GLYATL2: variants seen among roughly 807,000 people sequenced by gnomAD.
GLYATL2 encodes the protein glycine N-acyltransferase-like protein 2.
In GLYATL2, 25 loss-of-function variants were observed where a neutral mutation model predicts 21.4. That is an observed-to-expected ratio of 1.17 (90% CI 0.85 to 1.63). The LOEUF (loss-of-function observed/expected upper bound fraction) is 1.63, where lower values mean the gene tolerates loss of function less well. Ranked by LOEUF, GLYATL2 falls within the 40% of genes most tolerant of loss-of-function variation. The probability of loss-of-function intolerance (pLI) is 0.00; values close to 1 mark genes in which losing one functional copy is unlikely to be tolerated. For missense variants in GLYATL2, 361 were observed against 343.3 expected (o/e 1.05, Z -0.41); for synonymous variants, 114 against 118.2 (o/e 0.96, Z 0.23).
At chr11:58,840,160 C>T (rs1853519842) in intron 1 of GLYATL2, among the ~76,000 whole-genome samples, 2 of 151,736 alleles carry the variant, frequency 1.3e-5, no homozygotes, top group Admixed American at 1.3e-4. Flanking sequence ...TCCTAAGGAA[C>T]AAAACCATAG....
At chr11:58,886,149 C>T (rs145168372) in intron 1 of GLYATL2, among the ~76,000 whole-genome samples, 1 of 152,020 alleles carries the variant, frequency 6.6e-6, no homozygotes, top group Non-Finnish European at 1.5e-5. Context: ...CCCAGGAGGT[C>T]GAGGTTGCAT....
chr11:58,845,900 T>A (rs1470571872), upstream of GLYATL2, among the ~76,000 whole-genome samples: 2 of 152,158 alleles, frequency 1.3e-5, no homozygotes, highest in Admixed American at 6.6e-5. Context: ...ATAAAAATTA[T>A]CAGTGATAAT....
intron 1 of GLYATL2, among the ~76,000 whole-genome samples, chr11:58,874,752 G>T (rs1367149950): frequency 6.6e-6 from 1 of 152,196 alleles, no homozygotes; most frequent in Non-Finnish European, 1.5e-5. Flanking sequence ...GTGCTGAAAA[G>T]AATGTATATT....
At chr11:58,876,579 C>T (rs1274396810) in intron 1 of GLYATL2, among the ~76,000 whole-genome samples, 1 of 152,182 alleles carries the variant, frequency 6.6e-6, no homozygotes, top group African/African-American at 2.4e-5. Flanking sequence ...GCCTAGGTAT[C>T]AGCAGTGGTG....
chr11:58,874,096 A>C (rs1854178621), intron 1 of GLYATL2, among the ~76,000 whole-genome samples: 1 of 152,124 alleles, frequency 6.6e-6, no homozygotes, highest in African/African-American at 2.4e-5. Flanking sequence ...AGTATTCTTG[A>C]TGGTAGTTTG....
intron 1 of GLYATL2, among the ~76,000 whole-genome samples, chr11:58,870,265 G>A (rs1289617877): frequency 1.3e-5 from 2 of 152,076 alleles, no homozygotes; most frequent in Non-Finnish European, 2.9e-5. Flanking sequence ...TTTTCTATAG[G>A]TCTAATGATA....
In GLYATL2 at chr11:58,877,567, C is replaced by T. The variant is rs147259815; in HGVS notation, n.60+26589G>A. Reference sequence around the variant, plus strand: ...AAAGAAGGGTCCACAGAGGAGACTGCGAAGAAGTAACAAGTGAAGTTAAAG... The same window carrying T: ...AAAGAAGGGTCCACAGAGGAGACTGTGAAGAAGTAACAAGTGAAGTTAAAG... On this transcript the variant is annotated intron_variant and non_coding_transcript_variant, in intron 1 of 4. Transcript: ENST00000533636. Among the ~76,000 whole-genome samples the T allele has an allele frequency of 3.8e-4, 58 of 152,118 alleles. 1 individual carries two copies. The East Asian group carries it at 0.011, about 29-fold the overall frequency.
chr11:58,865,946 A>C lies in GLYATL2; in HGVS notation n.61-27578T>G, dbSNP rs4094385. Among the ~76,000 whole-genome samples the C allele has an allele frequency of 5.2e-3, 783 of 149,154 alleles. 16 individuals are homozygous for C. The highest frequency in any genetic ancestry group is 0.018 in the African/African-American group (751 of 41,384). ...TCTGATTTTCTCTTCTTTAGACTCT[A>C]AGAGCACTAGAACACATCAGAGAGC... is the stretch of plus-strand genomic sequence containing the variant. On this transcript the variant is annotated intron_variant and non_coding_transcript_variant, in intron 1 of 4. Coordinates refer to the GLYATL2 transcript ENST00000533636.
chr11:58,853,382 C>T (rs1026787594), intron 1 of GLYATL2, among the ~76,000 whole-genome samples: 1 of 152,100 alleles, frequency 6.6e-6, no homozygotes, highest in Admixed American at 6.5e-5. Flanking sequence ...GGATTCAAAA[C>T]CTGTGTACAC....
At chr11:58,909,227 T>C in the GLYATL2 span, among the ~76,000 whole-genome samples, 2 of 152,172 alleles carry the variant, frequency 1.3e-5, no homozygotes, top group African/African-American at 2.4e-5. Context: ...GAAGTGGTTG[T>C]CAGGGGCTGG....
chr11:58,860,263 A>T (rs1853907959), intron 1 of GLYATL2, among the ~76,000 whole-genome samples: 1 of 152,018 alleles, frequency 6.6e-6, no homozygotes, highest in South Asian at 2.1e-4. Context: ...ATATTTTTCT[A>T]TTTATTTGTG....
At chr11:58,849,788 A>G (rs1853707437) in intron 1 of GLYATL2, among the ~76,000 whole-genome samples, 1 of 152,126 alleles carries the variant, frequency 6.6e-6, no homozygotes, top group Non-Finnish European at 1.5e-5. Flanking sequence ...GCCTGCTGGT[A>G]GGTGGGGGCC....
At position 58,837,321 on chromosome 11, in the gene GLYATL2, A is replaced by G; in HGVS notation, c.263T>C (p.Val88Ala). 1 of 1,613,898 alleles carries G rather than the reference A, an allele frequency of 6.2e-7. No homozygotes were observed. The highest frequency in any genetic ancestry group is 8.5e-7 in the Non-Finnish European group (1 of 1,179,826). Residue 88 changes from valine (V) to alanine (A), a missense_variant, in exon 4 of 6, where the codon GTC (valine) becomes GCC (alanine). Val to Ala is a moderately conservative substitution (Grantham distance 64, BLOSUM62 0). Coordinates refer to ENST00000287275, the MANE Select transcript of GLYATL2 (RefSeq NM_145016.4). ...GCTGATTACATTGGAGTATGACAGG[A>G]CTTCCTCTAATTTGTCAGGAGCTTT... ...FTKAPDKLEE[V>A]LSYSNVISWE...
intron 1 of GLYATL2, among the ~76,000 whole-genome samples, chr11:58,891,643 G>C (rs1854545587): frequency 6.6e-6 from 1 of 152,172 alleles, no homozygotes; most frequent in Non-Finnish European, 1.5e-5. Context: ...GGTGTCTGGT[G>C]AAACAGTAGG....
Position 58,837,153 on chromosome 11 carries a change from G to T in GLYATL2, c.338C>A (p.Ala113Glu). 1 of 1,613,848 alleles carries T rather than the reference G, an allele frequency of 6.2e-7. No homozygotes were observed. Among genetic ancestry groups the T allele is most frequent in the Non-Finnish European group, 8.5e-7 (1 of 1,179,864 alleles). ...TTTTGAAGTTGCAACCTTTCTTATT[G>T]CTTCATCCAAGCCCTCTTGGCAACC... ...IQGCQEGLDEAIRKVATSKSV... is the reference protein window; with the variant it reads ...IQGCQEGLDEEIRKVATSKSV... The change falls in exon 5 of 6, where the codon GCA becomes GAA. Residue 113 changes from alanine (A) to glutamate (E), a missense_variant. Coordinates refer to ENST00000287275, the MANE Select transcript of GLYATL2 (RefSeq NM_145016.4).
intron 1 of GLYATL2, among the ~76,000 whole-genome samples, chr11:58,863,484 C>T (rs1439853181): frequency 6.6e-6 from 1 of 152,194 alleles, no homozygotes; most frequent in Admixed American, 6.5e-5. Context: ...GCATCAGGAT[C>T]TACTGAACTC....
chr11:58,856,818 A>G (rs984160839), intron 1 of GLYATL2, among the ~76,000 whole-genome samples: 1 of 152,254 alleles, frequency 6.6e-6, no homozygotes, highest in African/African-American at 2.4e-5. Context: ...AACAGACACA[A>G]TAACAAAGAA....
intron 1 of GLYATL2, among the ~76,000 whole-genome samples, chr11:58,899,317 C>A (rs1002809995): frequency 2.6e-5 from 4 of 152,172 alleles, no homozygotes; most frequent in Non-Finnish European, 1.5e-5. Context: ...CCACTCCCAA[C>A]CGTTTCTCAG....
At chr11:58,873,262 T>C (rs1335048102) in intron 1 of GLYATL2, among the ~76,000 whole-genome samples, 2 of 151,742 alleles carry the variant, frequency 1.3e-5, no homozygotes, top group South Asian at 2.1e-4. Context: ...CTTTTCCTAA[T>C]TGAATACCCT....
Sources: gnomAD v4.1 joint callset for allele counts (sites outside exome capture counted in the v4.1 genomes callset) on GRCh38, gnomAD v4.1.1 for gene constraint, MANE v1.5 for transcripts, NCBI Gene and HGNC (gene_info 2026-07-23, HGNC 2026-07-21) for gene names.